PTPRG: variants seen among roughly 807,000 people sequenced by gnomAD.
PTPRG encodes the protein receptor-type tyrosine-protein phosphatase gamma.
PTPRG carries 102 observed loss-of-function variants against 165.3 expected under a neutral mutation model. The ratio of observed to expected loss-of-function variants is 0.62; its 90% CI spans 0.53 to 0.73. PTPRG has a LOEUF of 0.73. PTPRG is among the 30% of genes least tolerant of loss of function. The probability of loss-of-function intolerance (pLI) is 0.00; values close to 1 mark genes in which losing one functional copy is unlikely to be tolerated. For missense variants in PTPRG, 1,866 were observed against 1,861.4 expected (o/e 1.00, Z -0.05); for synonymous variants, 675 against 669.5 (o/e 1.01, Z -0.13).
chr3:62,017,681 C>T (rs1246347076), intron 4 of PTPRG, among the ~76,000 whole-genome samples: 2 of 152,060 alleles, frequency 1.3e-5, no homozygotes, highest in Non-Finnish European at 2.9e-5. Flanking sequence ...GCCTCGGCCT[C>T]CCAAAGTGCT....
chr3:61,597,259 G>A (rs746780680), intron 1 of PTPRG, among the ~76,000 whole-genome samples: 3 of 152,184 alleles, frequency 2.0e-5, no homozygotes, highest in African/African-American at 7.2e-5. Context: ...ACCTTTGGGC[G>A]ACAGATTCAG....
At position 62,258,547 on chromosome 3, in the gene PTPRG, T is replaced by A. The variant is rs191793925; in HGVS notation, c.2559+3332T>A. Among the ~76,000 whole-genome samples, 24 of 152,320 alleles carry A rather than the reference T, an allele frequency of 1.6e-4. No individual in the cohort carries two copies. In the East Asian group the frequency reaches 4.4e-3, roughly 28 times the overall value. On this transcript the variant is annotated intron_variant, in intron 16 of 29. Transcript: ENST00000474889. ...AATTCTCATCCATCATGTTTAAACATCTCGGAAGTAAAAAAATGTTGGTGA... is the reference window on the plus strand; with the variant it reads ...AATTCTCATCCATCATGTTTAAACAACTCGGAAGTAAAAAAATGTTGGTGA...
chr3:61,868,539 TC>T (rs1177937343), intron 2 of PTPRG, among the ~76,000 whole-genome samples: 3 of 152,208 alleles, frequency 2.0e-5, no homozygotes, highest in Non-Finnish European at 4.4e-5. Context: ...TTGTTCACTT[TC>T]CCCCTTCCAA....
Position 62,240,032 on chromosome 3 carries a change from C to T in PTPRG, c.2376-3775C>T, listed in dbSNP as rs1326453731. Among the ~76,000 whole-genome samples the T allele has an allele frequency of 6.6e-6, 1 of 152,022 alleles. No individual in the cohort carries two copies. The highest frequency in any genetic ancestry group is 2.4e-5 in the African/African-American group (1 of 41,382). On this transcript the variant is annotated intron_variant, in intron 14 of 29. Transcript: ENST00000474889. The surrounding 1 kb of genome is among the most constrained non-coding windows in gnomAD (Gnocchi z 5.1). ...TCATCAGTCCCTGGCCCAGAGTAGACCCCCCAATAGATAGTTATTAAAGGA... is the reference window on the plus strand; with the variant it reads ...TCATCAGTCCCTGGCCCAGAGTAGATCCCCCAATAGATAGTTATTAAAGGA...
At chr3:62,111,505 G>A (rs1055039934) in intron 5 of PTPRG, among the ~76,000 whole-genome samples, 5 of 152,078 alleles carry the variant, frequency 3.3e-5, no homozygotes, top group African/African-American at 7.2e-5. Flanking sequence ...GCTGGAGTGC[G>A]GTGTCATGGT....
chr3:61,759,452 C>G (rs1385216452), intron 2 of PTPRG, among the ~76,000 whole-genome samples: 1 of 151,738 alleles, frequency 6.6e-6, no homozygotes, highest in African/African-American at 2.4e-5. Flanking sequence ...CCGAGGAGTT[C>G]GAGACCAGCT....
intron 1 of PTPRG, among the ~76,000 whole-genome samples, chr3:61,577,695 G>A (rs989956950): frequency 2.0e-5 from 3 of 151,834 alleles, no homozygotes; most frequent in Non-Finnish European, 2.9e-5. Flanking sequence ...TATTTTTATC[G>A]GACGGCACTG....
intron 2 of PTPRG, among the ~76,000 whole-genome samples, chr3:61,931,833 A>T (rs974121752): frequency 2.0e-5 from 3 of 152,158 alleles, no homozygotes; most frequent in Non-Finnish European, 4.4e-5. Context: ...TGTTGAGTGG[A>T]TGTTATGACA....
intron 2 of PTPRG, among the ~76,000 whole-genome samples, chr3:61,925,439 T>G (rs1265030896): frequency 6.6e-6 from 1 of 152,100 alleles, no homozygotes. Flanking sequence ...CCAGCAAACT[T>G]CTCCTTAAAA....
intron 5 of PTPRG, among the ~76,000 whole-genome samples, chr3:62,111,132 T>C (rs1028026882): frequency 6.6e-6 from 1 of 152,246 alleles, no homozygotes; most frequent in African/African-American, 2.4e-5. Flanking sequence ...AAGATGTTAT[T>C]ATGCCAGAAT....
intron 1 of PTPRG, among the ~76,000 whole-genome samples, chr3:61,600,138 C>T (rs113107393): frequency 0.12 from 16,534 of 139,588 alleles, 1,049 homozygotes; most frequent in African/African-American, 0.18. Flanking sequence ...CCAGCCTGGG[C>T]GACAGAGTGA....
At chr3:61,871,182 TATGTTATGTTATGTTATGTTATGTTA>T (rs2037568769) in intron 2 of PTPRG, among the ~76,000 whole-genome samples, 1 of 120,824 alleles carries the variant, frequency 8.3e-6, no homozygotes, top group African/African-American at 3.0e-5. Flanking sequence ...TATGTTATGT[TATGTTATGTTATGTTATGTTATGTTA>T]TGTTATGTTA....
intron 2 of PTPRG, among the ~76,000 whole-genome samples, chr3:61,834,562 C>T (rs2036404848): frequency 6.6e-6 from 1 of 152,128 alleles, no homozygotes; most frequent in Non-Finnish European, 1.5e-5. Flanking sequence ...TGCCTGTAAT[C>T]CCAACACTTT....
Position 62,213,757 on chromosome 3 carries a change from C to T in PTPRG, c.2156-5094C>T, listed in dbSNP as rs977813950. 2.0e-5 allele frequency among the ~76,000 whole-genome samples: 3 copies of T among 152,126 alleles called. No homozygotes were observed. The highest frequency in any genetic ancestry group is 2.9e-5 in the Non-Finnish European group (2 of 68,030). ...GGGGAAGTTTAGCCTCATGGATTGT[C>T]GGTGTCTGAGGGCATATAATGATAT... On this transcript the variant is annotated intron_variant, in intron 12 of 29. Transcript: ENST00000474889. The surrounding 1 kb of genome is among the most constrained non-coding windows in gnomAD (Gnocchi z 4.4).
chr3:62,139,326 G>A (rs1188019191), intron 6 of PTPRG, among the ~76,000 whole-genome samples: 1 of 152,080 alleles, frequency 6.6e-6, no homozygotes, highest in East Asian at 1.9e-4. Context: ...AGGCTTGGTG[G>A]CGGGCACCTG....
intron 14 of PTPRG, among the ~76,000 whole-genome samples, chr3:62,242,940 T>A (rs1052120573): frequency 6.6e-6 from 1 of 152,070 alleles, no homozygotes; most frequent in South Asian, 2.1e-4. Context: ...TAGGGCCAGC[T>A]ATTGTAAAGC....
At chr3:61,578,897 T>A (rs954768259) in intron 1 of PTPRG, among the ~76,000 whole-genome samples, 1 of 152,230 alleles carries the variant, frequency 6.6e-6, no homozygotes, top group Admixed American at 6.5e-5. Flanking sequence ...GCCCTTTGTT[T>A]GGTGCAGGTG....
Position 62,016,961 on chromosome 3 carries a change from G to A in PTPRG, c.519+13464G>A, listed in dbSNP as rs142289649. On this transcript the variant is annotated intron_variant, in intron 4 of 29. Coordinates refer to ENST00000474889, the MANE Select transcript of PTPRG (RefSeq NM_002841.4). ...ATTACCCAGTTTTATTTTCTTCATA[G>A]CATTCATCACTTTTTTGAAGTTATT... Among the ~76,000 whole-genome samples, 1,408 of 152,106 alleles carry A rather than the reference G, an allele frequency of 9.3e-3. 21 individuals carry two copies. Among genetic ancestry groups the A allele is most frequent in the African/African-American group, 0.031 (1,299 of 41,480 alleles).
intron 3 of PTPRG, among the ~76,000 whole-genome samples, chr3:62,000,262 C>G (rs975388154): frequency 7.2e-6 from 1 of 139,686 alleles, no homozygotes; most frequent in Admixed American, 7.6e-5. Flanking sequence ...GCCTGGGCAA[C>G]AGAGCGAGAC....
Sources: gnomAD v4.1 joint callset for allele counts (sites outside exome capture counted in the v4.1 genomes callset) on GRCh38, gnomAD v4.1.1 for gene constraint, Gnocchi (gnomAD v3.1) non-coding constraint, MANE v1.5 for transcripts, NCBI Gene and HGNC (gene_info 2026-07-23, HGNC 2026-07-21) for gene names.